Variants in PAPSS2 observed in about 807,000 individuals in gnomAD.
PAPSS2 encodes bifunctional 3'-phosphoadenosine 5'-phosphosulfate synthase 2.
A neutral mutation model predicts 66.5 loss-of-function variants in PAPSS2; 61 were observed. That is an observed-to-expected ratio of 0.92 (90% confidence interval 0.75 to 1.14). The LOEUF is 1.14. Ranked by LOEUF, PAPSS2 falls within the 50% of genes most tolerant of loss-of-function variation. The probability of loss-of-function intolerance (pLI) is 0.00; values close to 1 mark genes in which losing one functional copy is unlikely to be tolerated. For synonymous variants in PAPSS2, 289 were observed against 287.5 expected, an observed-to-expected ratio of 1.01 and a Z score of -0.05; for missense variants, 708 against 789.6, an observed-to-expected ratio of 0.90 and a Z score of 1.24.
At chr10:87,741,485 C>G (rs1225888509) in intron 10 of PAPSS2, 115 bp downstream of exon 10, 4 of 879,426 alleles carry the variant, frequency 4.5e-6, no homozygotes, top group Admixed American at 2.0e-5. Context: ...ACCTCTGCCT[C>G]CCAGGTTCAA....
At chr10:87,677,215 A>C (rs762492835) in intron 1 of PAPSS2, among the ~76,000 whole-genome samples, 1 of 152,260 alleles carries the variant, frequency 6.6e-6, no homozygotes, top group African/African-American at 2.4e-5. Context: ...TAAAATGAAA[A>C]GACAGATATT....
At chr10:87,680,676 G>A (rs912757938) in intron 1 of PAPSS2, among the ~76,000 whole-genome samples, 1 of 151,840 alleles carries the variant, frequency 6.6e-6, no homozygotes, top group Non-Finnish European at 1.5e-5. Context: ...GGTATTTCAG[G>A]TAGTATTCTG....
At chr10:87,718,576 G>T (rs936573666) in intron 7 of PAPSS2, among the ~76,000 whole-genome samples, 2 of 152,222 alleles carry the variant, frequency 1.3e-5, no homozygotes, top group African/African-American at 4.8e-5. Flanking sequence ...TCCCCAAGGG[G>T]TGCGTTTCCT....
chr10:87,708,886 A>G (rs978767489), intron 1 of PAPSS2, among the ~76,000 whole-genome samples: 2 of 152,222 alleles, frequency 1.3e-5, no homozygotes, highest in Non-Finnish European at 2.9e-5. Context: ...TAATTTAAAA[A>G]TAATTATTTT....
intron 1 of PAPSS2, among the ~76,000 whole-genome samples, chr10:87,667,873 G>A (rs1008908389): frequency 6.6e-6 from 1 of 152,164 alleles, no homozygotes; most frequent in Non-Finnish European, 1.5e-5. Context: ...TGGTTTAAAT[G>A]TCTAGTTAAC....
intron 1 of PAPSS2, among the ~76,000 whole-genome samples, chr10:87,699,883 A>G (rs1188215157): frequency 6.6e-6 from 1 of 151,648 alleles, no homozygotes; most frequent in Non-Finnish European, 1.5e-5. Flanking sequence ...TTTATATTTT[A>G]AATATATATT....
chr10:87,716,925 C>T (rs185351004), intron 7 of PAPSS2, among the ~76,000 whole-genome samples: 5 of 152,298 alleles, frequency 3.3e-5, no homozygotes, highest in Admixed American at 2.6e-4. Context: ...TTCATTTGAT[C>T]CTCACAAAAG....
chr10:87,715,058 G>A lies in PAPSS2; in HGVS notation c.713G>A (p.Arg238Gln), dbSNP rs774228046. ...FVPENKLDHVRAEAETLPSLS... is the reference protein window; with the variant it reads ...FVPENKLDHVQAEAETLPSLS... ...CCGGAAAACAAACTTGACCACGTCCGAGCTGAGGCTGAAACTCTCCCTTCA... is the reference window on the plus strand; with the variant it reads ...CCGGAAAACAAACTTGACCACGTCCAAGCTGAGGCTGAAACTCTCCCTTCA... The change falls in exon 6 of 13, where the codon CGA (arginine) becomes CAA (glutamine). Residue 238 changes from arginine (R) to glutamine (Q), a missense_variant. Coordinates refer to ENST00000456849, the MANE Select transcript of PAPSS2 (RefSeq NM_001015880.2). 13 of 1,612,788 alleles carry A rather than the reference G, an allele frequency of 8.1e-6. No individual in the cohort carries two copies. The highest frequency in any genetic ancestry group is 1.6e-4 in the Middle Eastern group (1 of 6,082).
chr10:87,745,984 G>T lies in PAPSS2; in HGVS notation c.*14G>T, dbSNP rs1305664078. ...GAGAAGAACTAAGCCTTTGGCTCCA[G>T]AGTTTCTTTCTGAAGTGCTCTTTGA... On this transcript the variant is annotated 3_prime_UTR_variant, in exon 13 of 13. Transcript: ENST00000456849. 6.2e-7 allele frequency: 1 copy of T among 1,613,428 alleles called. No homozygotes were observed. Among genetic ancestry groups the T allele is most frequent in the Admixed American group, 1.7e-5 (1 of 60,010 alleles).
chr10:87,727,587 G>A, intron 9 of PAPSS2, 98 bp downstream of exon 9: 1 of 995,682 alleles, frequency 1.0e-6, no homozygotes, highest in Non-Finnish European at 1.6e-6. Context: ...TAGAAAAACT[G>A]GGATTAGGTG....
In PAPSS2 at chr10:87,719,044, GAC is replaced by G. The variant is rs539285533; in HGVS notation, c.866-2710_866-2709del. Among the ~76,000 whole-genome samples the G allele has an allele frequency of 1.7e-3, 252 of 152,230 alleles. 1 individual carries two copies. The highest frequency in any genetic ancestry group is 5.8e-3 in the African/African-American group (240 of 41,524). On this transcript the variant is annotated intron_variant, in intron 7 of 12. Transcript: ENST00000456849. Reference sequence around the variant, plus strand: ...CTACCTCTGCAAACAGAGTCCACTGGACATACTTATACAACCCCAGTTATGAT... The same window carrying G: ...CTACCTCTGCAAACAGAGTCCACTGGATACTTATACAACCCCAGTTATGAT...
At chr10:87,661,147 A>T (rs1852747481) in intron 1 of PAPSS2, 1 of 406,436 alleles carries the variant, frequency 2.5e-6, no homozygotes, top group Non-Finnish European at 4.9e-6. Flanking sequence ...GGTTTAAAAA[A>T]AAAAACAAAA....
intron 7 of PAPSS2, among the ~76,000 whole-genome samples, chr10:87,719,648 T>C (rs143363020): frequency 6.6e-6 from 1 of 152,142 alleles, no homozygotes; most frequent in East Asian, 1.9e-4. Context: ...AGTGACTTTA[T>C]CCCTAGTCAC....
Position 87,741,252 on chromosome 10 carries a change from G to A in PAPSS2, c.1104G>A (p.Gly368=), listed in dbSNP as rs749600726. Residue 368 remains glycine, a synonymous_variant, in exon 10 of 13, where the codon GGG becomes GGA. Coordinates refer to ENST00000456849, the MANE Select transcript of PAPSS2 (RefSeq NM_001015880.2). The part of the protein sequence containing the change: ...HPHIKMVMES[G]DWLVGGDLQV... ...CTTTCTAGATGGTGATGGAAAGTGG[G>A]GACTGGCTGGTTGGTGGAGACCTTC... The A allele has an allele frequency of 1.8e-5, 29 of 1,613,550 alleles. 1 individual carries two copies. In the South Asian group the frequency reaches 2.6e-4, roughly 15 times the overall value.
Position 87,666,226 on chromosome 10 carries a change from A to G in PAPSS2, c.27+6218A>G, listed in dbSNP as rs144332149. ...TGATCTGTCTGCCTTGGCCTCCCAGAGTGCTGGGATTACAGGCATGAGCCA... is the reference window on the plus strand; with the variant it reads ...TGATCTGTCTGCCTTGGCCTCCCAGGGTGCTGGGATTACAGGCATGAGCCA... On this transcript the variant is annotated intron_variant, in intron 1 of 12. Coordinates refer to ENST00000456849, the MANE Select transcript of PAPSS2 (RefSeq NM_001015880.2). Among the ~76,000 whole-genome samples, 51 of 152,240 alleles carry G rather than the reference A, an allele frequency of 3.3e-4. 1 individual carries two copies. The East Asian group carries it at 8.3e-3, about 25-fold the overall frequency.
chr10:87,741,735 A>G (rs1853873073), intron 10 of PAPSS2, among the ~76,000 whole-genome samples: 1 of 150,616 alleles, frequency 6.6e-6, no homozygotes, highest in African/African-American at 2.4e-5. Context: ...CCCTCTGATT[A>G]AAGAATTAAG....
At position 87,743,373 on chromosome 10, in the gene PAPSS2, A is replaced by T; in HGVS notation, c.1223A>T (p.Asp408Val). ...LKQKCKEMNA[D>V]AVFAFQLRNP... is the part of the protein sequence containing the mutation. ...TCCTTCTTCTGCTTTCCTCTCCCAG[A>T]TGCGGTGTTTGCATTCCAGTTGCGC... is the stretch of plus-strand genomic sequence containing the variant. Residue 408 changes from aspartate (D) to valine (V), a missense_variant and splice_region_variant, in exon 11 of 13, where the codon GAT (aspartate) becomes GTT (valine). By Grantham distance (152) the Asp-to-Val change is radical. Coordinates refer to ENST00000456849, the MANE Select transcript of PAPSS2 (RefSeq NM_001015880.2). 1 of 1,613,486 alleles carries T rather than the reference A, an allele frequency of 6.2e-7. No individual in the cohort carries two copies.
At chr10:87,715,986 T>C in intron 7 of PAPSS2, 143 bp downstream of exon 7, 1 of 693,252 alleles carries the variant, frequency 1.4e-6, no homozygotes, top group Admixed American at 2.1e-5. Flanking sequence ...GTGTGCTCCA[T>C]TCTATTATGT....
chr10:87,685,353 T>G (rs915003185), intron 1 of PAPSS2, among the ~76,000 whole-genome samples: 1 of 152,210 alleles, frequency 6.6e-6, no homozygotes, highest in East Asian at 1.9e-4. Flanking sequence ...TTCTCTTTAA[T>G]GTTTGTAGGA....
Sources: allele counts gnomAD v4.1 joint callset (sites outside exome capture counted in the v4.1 genomes callset), GRCh38; gene constraint gnomAD v4.1.1; transcripts MANE v1.5; gene names NCBI Gene and HGNC (gene_info 2026-07-23, HGNC 2026-07-21).